Variants in DNMBP observed in about 807,000 individuals in gnomAD.
The protein encoded by DNMBP is dynamin binding protein.
DNMBP carries 87 observed loss-of-function variants against 150.0 expected under a neutral mutation model. The ratio of observed to expected loss-of-function variants is 0.58; its 90% CI spans 0.49 to 0.69. DNMBP has a LOEUF of 0.69. DNMBP is among the 30% of genes least tolerant of loss of function. The pLI, the probability that DNMBP is intolerant of heterozygous loss-of-function variation, is 0.00. For synonymous variants in DNMBP, 711 were observed against 750.4 expected (o/e 0.95, Z 0.86); for missense variants, 1,774 against 1,949.0 (o/e 0.91, Z 1.69).
At chr10:99,912,767 C>G (rs1019466405) in intron 4 of DNMBP, among the ~76,000 whole-genome samples, 1 of 152,126 alleles carries the variant, frequency 6.6e-6, no homozygotes. Context: ...TCAAGCGATC[C>G]TCCCACCTCA....
chr10:99,943,385 T>C (rs2040324068), intron 4 of DNMBP, among the ~76,000 whole-genome samples: 2 of 45,234 alleles, frequency 4.4e-5, no homozygotes, highest in Admixed American at 2.0e-4. Context: ...TGGTTTTTTG[T>C]TTGTTTGTTT....
intron 4 of DNMBP, among the ~76,000 whole-genome samples, chr10:99,942,419 G>A (rs1185332415): frequency 6.6e-6 from 1 of 152,142 alleles, no homozygotes; most frequent in Non-Finnish European, 1.5e-5. Flanking sequence ...CCTGTCTTTT[G>A]GGTCTTATTA....
intron 4 of DNMBP, among the ~76,000 whole-genome samples, chr10:99,912,627 C>A (rs190573717): frequency 6.6e-6 from 1 of 152,302 alleles, no homozygotes; most frequent in East Asian, 1.9e-4. Context: ...TCAGATTCAG[C>A]AAACCTGGGT....
chr10:99,920,589 T>C (rs1323746273), intron 4 of DNMBP, among the ~76,000 whole-genome samples: 1 of 152,182 alleles, frequency 6.6e-6, no homozygotes, highest in Non-Finnish European at 1.5e-5. Flanking sequence ...CTGTGTGACC[T>C]TGGACATGTT....
At chr10:100,005,786 C>CAAAAAAAAAAAAAAAAAAAAAAAAAAA (rs1589458237) in intron 1 of DNMBP, among the ~76,000 whole-genome samples, 4 of 101,078 alleles carry the variant, frequency 4.0e-5, no homozygotes, top group East Asian at 4.8e-4. Context: ...AAAAAAAAAC[C>CAAAAAAAAAAAAAAAAAAAAAAAAAAA]AAACTACATA....
rs1017800798 is a variant in DNMBP at position 99,891,326 on chromosome 10, G to A, written c.3157-2373C>T. ...AGCCTGCCCAGTGCCTGCGATTGCA[G>A]GCACGCGCCACCACGCCTGACTGGT... On this transcript the variant is annotated intron_variant, in intron 11 of 16. Coordinates refer to ENST00000324109, the MANE Select transcript of DNMBP (RefSeq NM_015221.4). 3.5e-4 allele frequency among the ~76,000 whole-genome samples: 53 copies of A among 149,404 alleles called. 1 individual carries two copies. Among genetic ancestry groups the A allele is most frequent in the African/African-American group, 1.3e-3 (52 of 40,182 alleles).
chr10:99,963,431 G>C lies in DNMBP; in HGVS notation c.268+5684C>G, dbSNP rs138232318. On this transcript the variant is annotated intron_variant, in intron 3 of 16. Transcript: ENST00000324109. ...GTAAGTCTCTGTTTTTCATCAGAAA[G>C]AGTCATACAAGCTATTCCCCTGGGG... Among the ~76,000 whole-genome samples the C allele has an allele frequency of 3.8e-3, 578 of 152,210 alleles. 3 individuals carry two copies. The highest frequency in any genetic ancestry group is 6.8e-3 in the Middle Eastern group (2 of 294).
chr10:99,958,359 C>T (rs897166953), intron 3 of DNMBP: 1 of 152,222 alleles, frequency 6.6e-6, no homozygotes, highest in Non-Finnish European at 1.5e-5. Flanking sequence ...AGGAATTACA[C>T]ATAAAGCACT....
intron 3 of DNMBP, among the ~76,000 whole-genome samples, chr10:99,963,811 C>G (rs529573217): frequency 1.5e-3 from 233 of 150,916 alleles, no homozygotes; most frequent in African/African-American, 4.7e-3. Context: ...TTTGGGCTGT[C>G]TCTAAATGCC....
intron 4 of DNMBP, among the ~76,000 whole-genome samples, chr10:99,913,587 T>G (rs2039927684): frequency 1.3e-5 from 2 of 152,158 alleles, no homozygotes; most frequent in African/African-American, 4.8e-5. Flanking sequence ...CAAATTTACT[T>G]CCTGTGATAA....
rs780742715 is a variant in DNMBP at position 99,956,367 on chromosome 10, G to A, written c.1107C>T (p.Asp369=). Residue 369 remains aspartate (D), a synonymous_variant, in exon 4 of 17, where the codon GAC becomes GAT. Coordinates refer to ENST00000324109, the MANE Select transcript of DNMBP (RefSeq NM_015221.4). Reference sequence around the variant, plus strand: ...CGTCCTGATAAGAGTTTCTGTCTGTGTCATACTCTGAAGTCAGATGACCGA... The same window carrying A: ...CGTCCTGATAAGAGTTTCTGTCTGTATCATACTCTGAAGTCAGATGACCGA... ...SPLGHLTSEY[D]TDRNSYQDED... The A allele has an allele frequency of 3.3e-5, 53 of 1,613,916 alleles. No individual in the cohort carries two copies. The highest frequency in any genetic ancestry group is 4.2e-5 in the Non-Finnish European group (50 of 1,180,030).
At chr10:99,900,614 C>T (rs1398986672) in intron 6 of DNMBP, among the ~76,000 whole-genome samples, 2 of 150,928 alleles carry the variant, frequency 1.3e-5, no homozygotes, top group Middle Eastern at 3.3e-3. Context: ...ATGAGAACCC[C>T]ATAAGGAGGA....
At chr10:99,929,803 ACT>A (rs1201678998) in intron 4 of DNMBP, 1 of 702,806 alleles carries the variant, frequency 1.4e-6, no homozygotes, top group Non-Finnish European at 2.6e-6. Flanking sequence ...CCCCTGGTAC[ACT>A]GAGTCTGCAG....
chr10:99,930,772 T>C (rs1172869450), intron 4 of DNMBP: 2 of 645,980 alleles, frequency 3.1e-6, no homozygotes, highest in Non-Finnish European at 5.5e-6. Flanking sequence ...ATATTCTATG[T>C]GCTTAAAGAC....
chr10:99,964,392 G>A (rs1006541367), intron 3 of DNMBP, among the ~76,000 whole-genome samples: 1 of 151,350 alleles, frequency 6.6e-6, no homozygotes, highest in Admixed American at 6.6e-5. Context: ...AAAGTGCTGG[G>A]ATTACAGGCG....
rs111728575 is a variant in DNMBP at position 99,894,970 on chromosome 10, C to T, written c.3132G>A (p.Leu1044=). 199 of 1,613,946 alleles carry T rather than the reference C, an allele frequency of 1.2e-4. No homozygotes were observed. In the African/African-American group the frequency reaches 2.1e-3, roughly 17 times the overall value. Residue 1044 remains leucine (L), a synonymous_variant, in exon 11 of 17, where the codon CTG becomes CTA. Transcript: ENST00000324109. ...CCCGGATGTGCTGGAGGTAGAGAGA[C>T]AGGTCTCGGATAAAAGACTTAATCA... The part of the protein sequence containing the change: ...ERLIKSFIRD[L]SLYLQHIRES...
chr10:99,973,810 G>A (rs766348178), intron 1 of DNMBP, among the ~76,000 whole-genome samples: 4 of 152,142 alleles, frequency 2.6e-5, no homozygotes, highest in South Asian at 2.1e-4. Context: ...GTGAAACCCC[G>A]TCTCTACTAA....
chr10:99,970,647 C>T (rs750055499), intron 2 of DNMBP, among the ~76,000 whole-genome samples: 6 of 152,074 alleles, frequency 3.9e-5, no homozygotes, highest in Non-Finnish European at 5.9e-5. Flanking sequence ...GTGGAGAGCA[C>T]CTTGTGTTCC....
intron 4 of DNMBP, chr10:99,930,837 T>C: frequency 1.7e-6 from 1 of 602,238 alleles, no homozygotes; most frequent in Non-Finnish European, 2.9e-6. Context: ...ACAGGTGCAG[T>C]CTAGCCTAAG....
Sources: allele counts gnomAD v4.1 joint callset (sites outside exome capture counted in the v4.1 genomes callset), GRCh38; gene constraint gnomAD v4.1.1; transcripts MANE v1.5; gene names NCBI Gene and HGNC (gene_info 2026-07-23, HGNC 2026-07-21).